Variants in NMNAT2 observed in about 807,000 individuals in gnomAD.
NMNAT2 encodes the protein nicotinamide/nicotinic acid mononucleotide adenylyltransferase 2.
In NMNAT2, 11 loss-of-function variants were observed where a neutral mutation model predicts 41.6. The ratio of observed to expected loss-of-function variants is 0.26; its 90% CI spans 0.17 to 0.44. The LOEUF is 0.44. NMNAT2 is among the 20% of genes least tolerant of loss of function. The probability of loss-of-function intolerance (pLI) is 1.00; values close to 1 mark genes in which losing one functional copy is unlikely to be tolerated. For synonymous variants in NMNAT2, 148 were observed against 151.2 expected (o/e 0.98, Z 0.16); for missense variants, 288 against 407.7 (o/e 0.71, Z 2.53).
chr1:183,395,224 A>G (rs771986661), intron 1 of NMNAT2, among the ~76,000 whole-genome samples: 2 of 152,064 alleles, frequency 1.3e-5, no homozygotes, highest in Admixed American at 1.3e-4. Flanking sequence ...GCAGAACTAC[A>G]TCTGACCAGA....
At chr1:183,412,018 T>C (rs774455183) in intron 1 of NMNAT2, among the ~76,000 whole-genome samples, 4 of 152,160 alleles carry the variant, frequency 2.6e-5, no homozygotes, top group Non-Finnish European at 4.4e-5. Flanking sequence ...AGCAAAGATG[T>C]TCCATGGGGT....
At chr1:183,415,584 CAA>C (rs1649230980) in intron 1 of NMNAT2, among the ~76,000 whole-genome samples, 1 of 152,218 alleles carries the variant, frequency 6.6e-6, no homozygotes, top group Admixed American at 6.5e-5. Flanking sequence ...ACATGAGGCT[CAA>C]GTCTCAGTGC....
chr1:183,327,540 T>C (rs1662495713), intron 1 of NMNAT2, among the ~76,000 whole-genome samples: 2 of 152,270 alleles, frequency 1.3e-5, no homozygotes, highest in African/African-American at 4.8e-5. Flanking sequence ...TGCTTCTTAC[T>C]GTTTGCCAGC....
In NMNAT2 at chr1:183,357,633, G is replaced by A. The variant is rs115807391; in HGVS notation, c.85+60550C>T. ...ACACTCCTATCAACAGTGTACAAGC[G>A]TTCTTTTTTCTCCACAACCTCGCCA... On this transcript the variant is annotated intron_variant, in intron 1 of 10. Coordinates refer to ENST00000287713, the MANE Select transcript of NMNAT2 (RefSeq NM_015039.4). Among the ~76,000 whole-genome samples the A allele has an allele frequency of 3.7e-3, 561 of 152,262 alleles. 5 individuals carry two copies. Among genetic ancestry groups the A allele is most frequent in the Non-Finnish European group, 6.3e-3 (429 of 68,012 alleles).
intron 2 of NMNAT2, 70 bp downstream of exon 2, chr1:183,293,635 G>T: frequency 8.5e-7 from 1 of 1,179,164 alleles, no homozygotes. Flanking sequence ...CAGTTTTTCT[G>T]CCAGGAACTA....
At chr1:183,316,980 C>T (rs1662267442) in intron 1 of NMNAT2, among the ~76,000 whole-genome samples, 1 of 152,178 alleles carries the variant, frequency 6.6e-6, no homozygotes, top group Admixed American at 6.5e-5. Context: ...AGTAGTCAGA[C>T]ACTACTAATC....
intron 1 of NMNAT2, among the ~76,000 whole-genome samples, chr1:183,324,349 T>A (rs1025811952): frequency 2.0e-5 from 3 of 152,224 alleles, no homozygotes; most frequent in Non-Finnish European, 2.9e-5. Context: ...CAAGGCGGAA[T>A]GAGCTAAGCT....
At chr1:183,265,462 T>C (rs1558109730) in intron 8 of NMNAT2, among the ~76,000 whole-genome samples, 1 of 152,024 alleles carries the variant, frequency 6.6e-6, no homozygotes, top group Non-Finnish European at 1.5e-5. Flanking sequence ...ATACAGGGTT[T>C]CACCATGTTG....
chr1:183,398,061 C>T (rs369120393), intron 1 of NMNAT2, among the ~76,000 whole-genome samples: 4 of 152,090 alleles, frequency 2.6e-5, no homozygotes, highest in Non-Finnish European at 5.9e-5. Flanking sequence ...CACATAACAA[C>T]ATTAACCTTA....
intron 1 of NMNAT2, among the ~76,000 whole-genome samples, chr1:183,375,990 T>C (rs1264642944): frequency 8.1e-6 from 1 of 122,992 alleles, no homozygotes; most frequent in Non-Finnish European, 1.7e-5. Flanking sequence ...AACACCTCAC[T>C]CAAAGTGGTC....
At chr1:183,271,425 C>A (rs1196001653) in intron 8 of NMNAT2, among the ~76,000 whole-genome samples, 4 of 152,186 alleles carry the variant, frequency 2.6e-5, no homozygotes, top group African/African-American at 7.2e-5. Flanking sequence ...CAAAGCCCAG[C>A]TCAAGGGCCA....
In NMNAT2 at chr1:183,249,442, G is replaced by T. The variant is rs569708989; in HGVS notation, c.*3199C>A. 1 of 152,168 alleles carries T rather than the reference G, an allele frequency of 6.6e-6. No individual in the cohort carries two copies. Among genetic ancestry groups the T allele is most frequent in the Non-Finnish European group, 1.5e-5 (1 of 68,036 alleles). The allele number at this position is 152,168 out of a possible 1,614,324, so 9.4% of individuals were successfully genotyped here. A position where few individuals can be genotyped will look rare whatever the true frequency, so the allele number is the denominator to read the frequency against. The stretch of plus-strand genomic sequence containing the variant: ...GCTCCAGACCCCTCTGGACATGATT[G>T]TTCCAGTCCATGCCTTTCTCACAAC... On this transcript the variant is annotated 3_prime_UTR_variant, in exon 11 of 11. Transcript: ENST00000287713.
intron 3 of NMNAT2, 108 bp downstream of exon 3, chr1:183,292,682 C>T (rs1661575009): frequency 1.0e-6 from 1 of 999,974 alleles, no homozygotes; most frequent in African/African-American, 1.6e-5. Flanking sequence ...GCCCCTGCCT[C>T]CCCATCCTTT....
intron 10 of NMNAT2, among the ~76,000 whole-genome samples, chr1:183,257,744 T>C (rs1660555580): frequency 6.6e-6 from 1 of 152,144 alleles, no homozygotes; most frequent in African/African-American, 2.4e-5. Flanking sequence ...ATTTTATATA[T>C]TTGAGTCTTT....
At chr1:183,334,947 A>T (rs1662653909) in intron 1 of NMNAT2, among the ~76,000 whole-genome samples, 1 of 152,140 alleles carries the variant, frequency 6.6e-6, no homozygotes, top group Non-Finnish European at 1.5e-5. Flanking sequence ...AAGTTACATG[A>T]TATTGTCCTA....
chr1:183,305,717 T>A (rs1313243301), intron 1 of NMNAT2, among the ~76,000 whole-genome samples: 1 of 3,202 alleles, frequency 3.1e-4, no homozygotes, highest in Non-Finnish European at 1.8e-3. Context: ...CTTTACAGCC[T>A]TTTTTTTTTT....
chr1:183,291,705 G>A (rs867569487), intron 3 of NMNAT2, among the ~76,000 whole-genome samples: 2 of 152,150 alleles, frequency 1.3e-5, no homozygotes, highest in South Asian at 2.1e-4. Context: ...AGCATCCCCA[G>A]AAGATCAGGA....
chr1:183,365,214 G>A (rs909702325), intron 1 of NMNAT2, among the ~76,000 whole-genome samples: 1 of 151,986 alleles, frequency 6.6e-6, no homozygotes, highest in African/African-American at 2.4e-5. Flanking sequence ...ATTGTAGAGG[G>A]CAGTGAGAGA....
chr1:183,293,619 C>A (rs1404556803), intron 2 of NMNAT2, 86 bp downstream of exon 2: 5 of 928,378 alleles, frequency 5.4e-6, no homozygotes, highest in South Asian at 4.0e-5. Context: ...AGAGACAGAG[C>A]GGGGGCAGTT....
Sources: gnomAD v4.1 joint callset for allele counts (sites outside exome capture counted in the v4.1 genomes callset) on GRCh38, gnomAD v4.1.1 for gene constraint, MANE v1.5 for transcripts, NCBI Gene and HGNC (gene_info 2026-07-23, HGNC 2026-07-21) for gene names.